IRAK1BP1: variants seen among roughly 807,000 people sequenced by gnomAD.
The protein encoded by IRAK1BP1 is interleukin-1 receptor-associated kinase 1-binding protein 1.
In IRAK1BP1, 24 loss-of-function variants were observed where a neutral mutation model predicts 28.0. The ratio of observed to expected loss-of-function variants is 0.86; its 90% CI spans 0.62 to 1.20. The LOEUF (loss-of-function observed/expected upper bound fraction) is 1.20. IRAK1BP1 is among the 50% of genes most tolerant of loss of function. IRAK1BP1 has a pLI of 0.00. For synonymous variants in IRAK1BP1, 131 were observed against 116.3 expected (o/e 1.13, Z -0.81); for missense variants, 336 against 316.7 (o/e 1.06, Z -0.46).
In IRAK1BP1 at chr6:78,867,736, C is replaced by T. The variant is rs1315604326; in HGVS notation, c.160C>T (p.Gln54Ter). 1 of 1,614,104 alleles carries T rather than the reference C, an allele frequency of 6.2e-7. No homozygotes were observed. Among genetic ancestry groups the T allele is most frequent in the African/African-American group, 1.3e-5 (1 of 74,944 alleles). ...AGCCCAAACTGCTACCCGCGAGGTG[C>T]AAGTAAGCGGCACCTCAGAAGTGTC... is the stretch of plus-strand genomic sequence containing the variant. The part of the protein sequence containing the change: ...TQAQTATREV[Q>*]VSGTSEVSAG... The change falls in exon 1 of 4, where the codon CAA (glutamine) becomes TAA (stop). Residue 54 changes from glutamine (Q) to a stop codon, truncating the protein, a stop_gained. Transcript: ENST00000369940. LOFTEE classifies it high-confidence loss of function.
At chr6:78,920,937 C>A (rs1023240442) in intron 4 of IRAK1BP1, among the ~76,000 whole-genome samples, 1 of 152,104 alleles carries the variant, frequency 6.6e-6, no homozygotes, top group African/African-American at 2.4e-5. Context: ...AACAAATCCA[C>A]AAGCAAGTGA....
chr6:78,969,513 T>C, the IRAK1BP1 span, among the ~76,000 whole-genome samples: 10 of 152,220 alleles, frequency 6.6e-5, no homozygotes, highest in South Asian at 4.1e-4. Context: ...TACAAACTTA[T>C]ACATCTTGTT....
intron 4 of IRAK1BP1, among the ~76,000 whole-genome samples, chr6:78,927,022 C>G (rs1161778561): frequency 6.6e-6 from 1 of 152,108 alleles, no homozygotes; most frequent in Non-Finnish European, 1.5e-5. Context: ...GTTCAGGTAT[C>G]TCTTGGATAT....
At chr6:78,965,253 C>G in the IRAK1BP1 span, among the ~76,000 whole-genome samples, 1 of 152,088 alleles carries the variant, frequency 6.6e-6, no homozygotes, top group Admixed American at 6.6e-5. Context: ...GTTTCTAAGG[C>G]CGAGTACTAA....
intron 1 of IRAK1BP1, chr6:78,871,272 A>G (rs1209680970): frequency 1.0e-6 from 1 of 985,280 alleles, no homozygotes; most frequent in East Asian, 1.1e-4. Flanking sequence ...CCCTCACAAA[A>G]GTGTTTCGGT....
At chr6:78,933,365 C>G (rs1419620500) in intron 4 of IRAK1BP1, among the ~76,000 whole-genome samples, 4 of 152,212 alleles carry the variant, frequency 2.6e-5, no homozygotes. Context: ...CGCCTGTAAT[C>G]CCAACACTTT....
At chr6:78,970,965 C>A in the IRAK1BP1 span, 3 of 952,534 alleles carry the variant, frequency 3.1e-6, no homozygotes, top group Non-Finnish European at 4.7e-6. Context: ...GCTGAAATTG[C>A]AAAGAGAAAA....
downstream of IRAK1BP1, among the ~76,000 whole-genome samples, chr6:78,948,731 T>A (rs1773970607): frequency 6.6e-6 from 1 of 152,168 alleles, no homozygotes; most frequent in South Asian, 2.1e-4. Flanking sequence ...TGGGCTTAAA[T>A]GACCTGCCCG....
chr6:78,943,984 T>C (rs1265631921), intron 4 of IRAK1BP1, among the ~76,000 whole-genome samples: 1 of 37,176 alleles, frequency 2.7e-5, no homozygotes, highest in African/African-American at 7.7e-5. Flanking sequence ...AGATCCTGTC[T>C]TTTTTTAAAA....
At chr6:78,884,818 G>A (rs181678881) in intron 1 of IRAK1BP1, among the ~76,000 whole-genome samples, 15 of 152,024 alleles carry the variant, frequency 9.9e-5, no homozygotes, top group African/African-American at 3.4e-4. Flanking sequence ...TACTTTATGT[G>A]CAAACAATTG....
In IRAK1BP1 at chr6:78,913,063, C is replaced by G. The variant is rs181036070; in HGVS notation, c.*67+9953C>G. ...TAAAAGTATAAGTCATGGCCGGGTGCGGTAGCTCACGCCTGTAATCCCAGC... is the reference window on the plus strand; with the variant it reads ...TAAAAGTATAAGTCATGGCCGGGTGGGGTAGCTCACGCCTGTAATCCCAGC... On this transcript the variant is annotated intron_variant and NMD_transcript_variant, in intron 4 of 4. Coordinates refer to the IRAK1BP1 transcript ENST00000606868. Among the ~76,000 whole-genome samples, 6 of 152,184 alleles carry G rather than the reference C, an allele frequency of 3.9e-5. No individual in the cohort carries two copies. In the South Asian group the frequency reaches 8.3e-4, roughly 21 times the overall value.
intron 1 of IRAK1BP1, among the ~76,000 whole-genome samples, chr6:78,869,531 A>G (rs1770717008): frequency 6.6e-6 from 1 of 152,214 alleles, no homozygotes; most frequent in Non-Finnish European, 1.5e-5. Flanking sequence ...AGTAGTAAGT[A>G]AATAAATTAA....
intron 1 of IRAK1BP1, among the ~76,000 whole-genome samples, chr6:78,877,130 T>A (rs1303595139): frequency 6.6e-6 from 1 of 152,080 alleles, no homozygotes; most frequent in Non-Finnish European, 1.5e-5. Context: ...TGATTGGCTA[T>A]TTTATTAATT....
At chr6:78,893,491 A>G (rs1321250012) in intron 2 of IRAK1BP1, among the ~76,000 whole-genome samples, 1 of 151,958 alleles carries the variant, frequency 6.6e-6, no homozygotes, top group Non-Finnish European at 1.5e-5. Context: ...ATTTAAGCAG[A>G]AAAGAATGAT....
intron 4 of IRAK1BP1, among the ~76,000 whole-genome samples, chr6:78,918,807 A>G (rs1004973029): frequency 6.6e-6 from 1 of 152,154 alleles, no homozygotes; most frequent in Admixed American, 6.6e-5. Flanking sequence ...CAAGGCGGAA[A>G]ACTAACAAAG....
intron 1 of IRAK1BP1, 42 bp from the exon 2 acceptor site, chr6:78,885,336 C>T (rs768422413): frequency 1.8e-6 from 2 of 1,114,230 alleles, no homozygotes; most frequent in African/African-American, 3.1e-5. Flanking sequence ...GTAATTGCAT[C>T]AAATATTTAG....
rs146124393 is a variant in IRAK1BP1 at position 78,870,797 on chromosome 6, C to T, written c.315+2906C>T. On this transcript the variant is annotated intron_variant, in intron 1 of 3. Coordinates refer to ENST00000369940, the MANE Select transcript of IRAK1BP1 (RefSeq NM_001010844.4). ...GGCAGTCTAGGCTCACTGCAACCTC[C>T]GCCTCCCAGGTTCAAGCAATTCTCC... 5.8e-3 allele frequency among the ~76,000 whole-genome samples: 877 copies of T among 152,102 alleles called. 12 individuals are homozygous for T. The highest frequency in any genetic ancestry group is 0.02 in the African/African-American group (832 of 41,496).
At chr6:78,945,317 G>A (rs1445812742) in intron 4 of IRAK1BP1, 8 of 1,610,698 alleles carry the variant, frequency 5.0e-6, no homozygotes, top group Non-Finnish European at 6.8e-6. Flanking sequence ...AATGACAGCT[G>A]ATGACTTTGA....
At chr6:78,970,120 G>T in the IRAK1BP1 span, 2 of 1,611,862 alleles carry the variant, frequency 1.2e-6, no homozygotes, top group Non-Finnish European at 8.5e-7. Flanking sequence ...GGCAGCAAAG[G>T]GTAGGTAATC....
Sources: gnomAD v4.1 joint callset for allele counts (sites outside exome capture counted in the v4.1 genomes callset) on GRCh38, gnomAD v4.1.1 for gene constraint, MANE v1.5 for transcripts, NCBI Gene and HGNC (gene_info 2026-07-23, HGNC 2026-07-21) for gene names.